The following SGCD variants were observed in gnomAD, a reference collection of about 807,000 sequenced individuals.
SGCD encodes the protein sarcoglycan delta, also known as delta-sarcoglycan.
In SGCD, 18 loss-of-function variants were observed where a neutral mutation model predicts 36.6. The observed-to-expected ratio is 0.49, with a 90% confidence interval of 0.34 to 0.73. The LOEUF is 0.73. Ranked by LOEUF, SGCD falls within the 30% of genes least tolerant of loss-of-function variation. SGCD has a pLI of 0.01. For synonymous variants in SGCD, 133 were observed against 130.6 expected, an observed-to-expected ratio of 1.02 and a Z score of -0.12; for missense variants, 387 against 346.7, an observed-to-expected ratio of 1.12 and a Z score of -0.92.
chr5:156,438,261 T>A (rs945755793), intron 3 of SGCD, among the ~76,000 whole-genome samples: 5 of 152,160 alleles, frequency 3.3e-5, no homozygotes, highest in African/African-American at 1.2e-4. Context: ...TTACCACTGC[T>A]TTTCTGGCGG....
At chr5:156,149,894 C>T (rs1329256517) in intron 3 of SGCD, among the ~76,000 whole-genome samples, 1 of 152,192 alleles carries the variant, frequency 6.6e-6, no homozygotes, top group East Asian at 1.9e-4. Context: ...TACTGGCAGG[C>T]TTCATTCACA....
chr5:156,452,461 G>C (rs1754062354), intron 3 of SGCD, among the ~76,000 whole-genome samples: 1 of 152,106 alleles, frequency 6.6e-6, no homozygotes, highest in Non-Finnish European at 1.5e-5. Context: ...AGATCCCAAA[G>C]TTTTTGCAAA....
At chr5:156,685,977 T>C (rs1216431053) in intron 7 of SGCD, among the ~76,000 whole-genome samples, 2 of 152,212 alleles carry the variant, frequency 1.3e-5, no homozygotes, top group Non-Finnish European at 2.9e-5. Flanking sequence ...ACTAGACTTA[T>C]CGTGAGTTTA....
intron 3 of SGCD, among the ~76,000 whole-genome samples, chr5:156,407,592 G>A (rs913071420): frequency 3.9e-5 from 6 of 152,166 alleles, no homozygotes; most frequent in Non-Finnish European, 7.3e-5. Flanking sequence ...GAAAAAAAAT[G>A]TAAGGGAAAT....
intron 4 of SGCD, among the ~76,000 whole-genome samples, chr5:156,558,857 G>T (rs1481397986): frequency 6.6e-6 from 1 of 152,180 alleles, no homozygotes; most frequent in South Asian, 2.1e-4. Flanking sequence ...TGTACTTGCA[G>T]ATGGTTCTGA....
At chr5:155,804,743 G>T in the SGCD span, among the ~76,000 whole-genome samples, 1 of 152,156 alleles carries the variant, frequency 6.6e-6, no homozygotes, top group Non-Finnish European at 1.5e-5. Context: ...AGGAATTTTC[G>T]GAAAGTATCT....
At chr5:155,892,046 T>C (rs548800471) in intron 1 of SGCD, among the ~76,000 whole-genome samples, 1 of 152,306 alleles carries the variant, frequency 6.6e-6, no homozygotes, top group East Asian at 1.9e-4. Flanking sequence ...AATGTGGTCA[T>C]TGCTGATTTT....
intron 7 of SGCD, among the ~76,000 whole-genome samples, chr5:156,711,658 A>G (rs897881712): frequency 6.6e-6 from 1 of 152,156 alleles, no homozygotes; most frequent in Non-Finnish European, 1.5e-5. Flanking sequence ...ATCTAGTACA[A>G]TTTTTGAAAT....
chr5:156,085,180 T>C (rs545299009), intron 1 of SGCD, among the ~76,000 whole-genome samples: 1 of 152,196 alleles, frequency 6.6e-6, no homozygotes, highest in South Asian at 2.1e-4. Context: ...GTTGTTGTTG[T>C]TGTTGTTCTG....
At chr5:156,735,815 G>A (rs1189673084) in intron 7 of SGCD, among the ~76,000 whole-genome samples, 2 of 152,184 alleles carry the variant, frequency 1.3e-5, no homozygotes, top group Admixed American at 1.3e-4. Flanking sequence ...CAGAGTTGCA[G>A]CTACTTGTGC....
At chr5:156,057,777 G>A (rs1760097978) in intron 1 of SGCD, among the ~76,000 whole-genome samples, 1 of 146,022 alleles carries the variant, frequency 6.8e-6, no homozygotes, top group South Asian at 2.2e-4. Flanking sequence ...AAATATAATG[G>A]CCATAATGAT....
At position 156,720,365 on chromosome 5, in the gene SGCD, A is replaced by G. The variant is rs1048104392; in HGVS notation, c.576-37216A>G. 7.9e-5 allele frequency among the ~76,000 whole-genome samples: 12 copies of G among 152,296 alleles called. No individual in the cohort carries two copies. The South Asian group carries it at 2.5e-3, about 32-fold the overall frequency. ...TGGGTGGTCAGGAACGACCTTTCTAATCAGCTGACATTTAAGCATACACCT... is the reference window on the plus strand; with the variant it reads ...TGGGTGGTCAGGAACGACCTTTCTAGTCAGCTGACATTTAAGCATACACCT... On this transcript the variant is annotated intron_variant, in intron 7 of 8. Coordinates refer to ENST00000337851, the MANE Select transcript of SGCD (RefSeq NM_000337.6).
intron 1 of SGCD, among the ~76,000 whole-genome samples, chr5:155,984,779 A>C (rs1213853101): frequency 6.6e-6 from 1 of 152,146 alleles, no homozygotes; most frequent in Admixed American, 6.5e-5. Context: ...CCTCCACCAG[A>C]ACCTCTGATA....
chr5:156,476,745 G>A (rs77917454), intron 3 of SGCD, among the ~76,000 whole-genome samples: 2,563 of 152,250 alleles, frequency 0.017, 65 homozygotes, highest in African/African-American at 0.058. Flanking sequence ...TCACCTGAGG[G>A]AGGAACCCAT....
the SGCD span, among the ~76,000 whole-genome samples, chr5:155,830,594 A>G: frequency 2.0e-5 from 3 of 152,228 alleles, no homozygotes; most frequent in Non-Finnish European, 4.4e-5. Flanking sequence ...CTGGCCTTGT[A>G]TCTCTCATGG....
chr5:156,478,396 A>C lies in SGCD; in HGVS notation c.193-30205A>C, dbSNP rs202176392. Reference sequence around the variant, plus strand: ...CAGGTGGCTCTGCTCCCCCTGGGCTACTCTGAGCCACACGCATCTTTGTGA... The same window carrying C: ...CAGGTGGCTCTGCTCCCCCTGGGCTCCTCTGAGCCACACGCATCTTTGTGA... On this transcript the variant is annotated intron_variant, in intron 3 of 8. Coordinates refer to ENST00000337851, the MANE Select transcript of SGCD (RefSeq NM_000337.6). Among the ~76,000 whole-genome samples the C allele has an allele frequency of 2.6e-5, 4 of 152,088 alleles. No homozygotes were observed. The East Asian group carries it at 7.8e-4, about 30-fold the overall frequency.
At chr5:156,120,941 A>T (rs1230256755) in intron 2 of SGCD, among the ~76,000 whole-genome samples, 1 of 152,120 alleles carries the variant, frequency 6.6e-6, no homozygotes, top group Non-Finnish European at 1.5e-5. Flanking sequence ...TCCAGAACCG[A>T]GGCCAAGATC....
chr5:156,642,461 CTTTTTTTT>C lies in SGCD; in HGVS notation c.503-4986_503-4979del, dbSNP rs58501471. 1.7e-4 allele frequency among the ~76,000 whole-genome samples: 14 copies of C among 80,036 alleles called. 1 individual carries two copies. Among genetic ancestry groups the C allele is most frequent in the Admixed American group, 9.0e-4 (6 of 6,640 alleles). The allele number at this position is 80,036 out of a possible 152,430, so 52.5% of individuals were successfully genotyped here. A position where few individuals can be genotyped will look rare whatever the true frequency, so the allele number is the denominator to read the frequency against. The stretch of plus-strand genomic sequence containing the variant: ...CTAAGAATGGCCTAGCAGCATCAGT[CTTTTTTTT>C]TTTTTTTTTTTTTTTTCCAAGACGG... On this transcript the variant is annotated intron_variant, in intron 6 of 8. Transcript: ENST00000337851.
intron 3 of SGCD, among the ~76,000 whole-genome samples, chr5:156,421,753 A>G (rs541358193): frequency 1.3e-5 from 2 of 152,174 alleles, no homozygotes; most frequent in South Asian, 4.1e-4. Context: ...CACAGATGCT[A>G]CTGAAAAAGC....
Sources: allele counts gnomAD v4.1 joint callset (sites outside exome capture counted in the v4.1 genomes callset), GRCh38; gene constraint gnomAD v4.1.1; transcripts MANE v1.5; gene names NCBI Gene and HGNC (gene_info 2026-07-23, HGNC 2026-07-21).